OLFML1: variants seen among roughly 807,000 people sequenced by gnomAD.
OLFML1 encodes the protein olfactomedin like 1, also known as olfactomedin-like protein 1.
Under a neutral mutation model 37.3 loss-of-function variants are expected in OLFML1, and 33 were observed. The ratio of observed to expected loss-of-function variants is 0.88; its 90% CI spans 0.67 to 1.18. OLFML1 has a LOEUF of 1.18. Among genes scored for constraint, OLFML1 ranks in the 50% most tolerant of loss-of-function variants. OLFML1 has a pLI of 0.00. For missense variants in OLFML1, 545 were observed against 483.7 expected, an observed-to-expected ratio of 1.13 and a Z score of -1.19; for synonymous variants, 186 against 181.3, an observed-to-expected ratio of 1.03 and a Z score of -0.21.
At chr11:7,487,753 C>T (rs1315575812) in intron 1 of OLFML1, among the ~76,000 whole-genome samples, 2 of 151,828 alleles carry the variant, frequency 1.3e-5, no homozygotes, top group Non-Finnish European at 2.9e-5. Context: ...AAGAGTCTAA[C>T]AGAATAAATA....
chr11:7,509,990 C>T lies in OLFML1; in HGVS notation c.1011C>T (p.Gly337=). The stretch of plus-strand genomic sequence containing the variant: ...TGGTCTACAGTACTGGGGGCCAGGG[C>T]CCTCATCGCATCACCTGCATCTATG... ...LYVVYSTGGQ[G]PHRITCIYDP... is the part of the protein sequence containing the mutation. The change falls in exon 3 of 3, where the codon GGC becomes GGT. Residue 337 remains glycine (G), a synonymous_variant. Transcript: ENST00000329293. 2.5e-6 allele frequency: 4 copies of T among 1,614,232 alleles called. No homozygotes were observed. The highest frequency in any genetic ancestry group is 3.4e-6 in the Non-Finnish European group (4 of 1,180,054).
chr11:7,489,890 T>C (rs759809819), intron 2 of OLFML1, among the ~76,000 whole-genome samples: 6 of 151,962 alleles, frequency 3.9e-5, no homozygotes, highest in African/African-American at 1.2e-4. Context: ...TTTCAGACCA[T>C]TTATAATTTT....
At chr11:7,496,798 A>G (rs1564920839) in intron 2 of OLFML1, among the ~76,000 whole-genome samples, 1 of 152,224 alleles carries the variant, frequency 6.6e-6, no homozygotes, top group East Asian at 1.9e-4. Flanking sequence ...AATGGTTACA[A>G]TGTTGTTGCA....
chr11:7,500,570 C>T (rs964215657), intron 2 of OLFML1, among the ~76,000 whole-genome samples: 1 of 152,148 alleles, frequency 6.6e-6, no homozygotes. Flanking sequence ...TTATACAAGC[C>T]TTAATGTTTC....
rs761545254 is a variant in OLFML1 at position 7,486,054 on chromosome 11, C to A, written c.129+50C>A. The A allele has an allele frequency of 2.7e-5, 42 of 1,568,706 alleles. 1 individual carries two copies. In the South Asian group the frequency reaches 4.6e-4, roughly 17 times the overall value. ...ATAAGTAACAGGCTTCCCAGAAGTACCTTATTTTTACCCATGCTTCTCTAT... is the reference window on the plus strand; with the variant it reads ...ATAAGTAACAGGCTTCCCAGAAGTAACTTATTTTTACCCATGCTTCTCTAT... On this transcript the variant is annotated intron_variant, in intron 1 of 2. Coordinates refer to ENST00000329293, the MANE Select transcript of OLFML1 (RefSeq NM_198474.4).
Position 7,488,110 on chromosome 11 carries a change from T to G in OLFML1, c.130-17T>G. On this transcript the variant is annotated splice_polypyrimidine_tract_variant and intron_variant, in intron 1 of 2. Coordinates refer to ENST00000329293, the MANE Select transcript of OLFML1 (RefSeq NM_198474.4). ...AAATAACAAGCAATAATTTGCAAAT[T>G]TATTTTCTGACTGAAGCAAGGGCTG... The G allele has an allele frequency of 6.3e-7, 1 of 1,583,040 alleles. No homozygotes were observed. The highest frequency in any genetic ancestry group is 8.6e-7 in the Non-Finnish European group (1 of 1,161,754).
In OLFML1 at chr11:7,510,264, C is replaced by T; in HGVS notation, c.*76C>T. 1 of 1,144,610 alleles carries T rather than the reference C, an allele frequency of 8.7e-7. No homozygotes were observed. Among genetic ancestry groups the T allele is most frequent in the Non-Finnish European group, 1.2e-6 (1 of 815,568 alleles). The allele number at this position is 1,144,610 out of a possible 1,614,324, so 70.9% of individuals were successfully genotyped here. ...GGACAGTGAGGCTATAGCCCCTTCACAATATAGTATCCCTCTAATCACACA... is the reference window on the plus strand; with the variant it reads ...GGACAGTGAGGCTATAGCCCCTTCATAATATAGTATCCCTCTAATCACACA... On this transcript the variant is annotated 3_prime_UTR_variant, in exon 3 of 3. Coordinates refer to ENST00000329293, the MANE Select transcript of OLFML1 (RefSeq NM_198474.4).
Position 7,510,683 on chromosome 11 carries a change from T to A in OLFML1, c.*495T>A, listed in dbSNP as rs1848849869. The A allele has an allele frequency of 6.5e-6, 1 of 153,146 alleles. No individual in the cohort carries two copies. Among genetic ancestry groups the A allele is most frequent in the Non-Finnish European group, 1.5e-5 (1 of 68,722 alleles). The allele number at this position is 153,146 out of a possible 1,614,324, so 9.5% of individuals were successfully genotyped here. A position where few individuals can be genotyped will look rare whatever the true frequency, so the allele number is the denominator to read the frequency against. ...AATATTTCTTTCTTTTCTTTTCTTT[T>A]TTTTGAGACAAGGTCTCACTATGTT... is the stretch of plus-strand genomic sequence containing the variant. On this transcript the variant is annotated 3_prime_UTR_variant, in exon 3 of 3. Coordinates refer to ENST00000329293, the MANE Select transcript of OLFML1 (RefSeq NM_198474.4).
intron 2 of OLFML1, among the ~76,000 whole-genome samples, chr11:7,501,527 C>T (rs1464957605): frequency 6.6e-6 from 1 of 152,166 alleles, no homozygotes; most frequent in Non-Finnish European, 1.5e-5. Context: ...GCTCTGGCCA[C>T]AGTGTGAGAC....
chr11:7,496,648 TACC>T (rs1232393682), intron 2 of OLFML1, among the ~76,000 whole-genome samples: 4 of 152,044 alleles, frequency 2.6e-5, no homozygotes, highest in Non-Finnish European at 5.9e-5. Context: ...CAAATGGCAG[TACC>T]ACAGCTAGAA....
rs774343602 is a variant in OLFML1 at position 7,510,317 on chromosome 11, C to G, written c.*129C>G. ...GGAAGAGTGTGTAGAAGTGGAAATA[C>G]GTATGCCTCCTTTCCCAAATGTCAC... is the stretch of plus-strand genomic sequence containing the variant. On this transcript the variant is annotated 3_prime_UTR_variant, in exon 3 of 3. Coordinates refer to ENST00000329293, the MANE Select transcript of OLFML1 (RefSeq NM_198474.4). 1 of 720,818 alleles carries G rather than the reference C, an allele frequency of 1.4e-6. No individual in the cohort carries two copies. The highest frequency in any genetic ancestry group is 1.8e-5 in the African/African-American group (1 of 56,080). The allele number at this position is 720,818 out of a possible 1,614,324, so 44.7% of individuals were successfully genotyped here. A position where few individuals can be genotyped will look rare whatever the true frequency, so the allele number is the denominator to read the frequency against.
At chr11:7,502,410 A>G (rs1848733597) in intron 2 of OLFML1, among the ~76,000 whole-genome samples, 1 of 152,020 alleles carries the variant, frequency 6.6e-6, no homozygotes, top group Non-Finnish European at 1.5e-5. Context: ...CAAACAGATC[A>G]CTCATACCGC....
At chr11:7,490,960 A>C (rs1029156116) in intron 2 of OLFML1, among the ~76,000 whole-genome samples, 3 of 152,128 alleles carry the variant, frequency 2.0e-5, no homozygotes, top group Non-Finnish European at 4.4e-5. Context: ...AACAACAAAA[A>C]AATCCATTCA....
intron 2 of OLFML1, among the ~76,000 whole-genome samples, chr11:7,489,611 C>A (rs1327340227): frequency 6.6e-6 from 1 of 151,982 alleles, no homozygotes; most frequent in Admixed American, 6.6e-5. Context: ...AGAGAGGAGA[C>A]CAGTCAGGGA....
chr11:7,505,723 CAGG>C (rs905039409), intron 2 of OLFML1, among the ~76,000 whole-genome samples: 2 of 152,118 alleles, frequency 1.3e-5, no homozygotes, highest in Non-Finnish European at 2.9e-5. Flanking sequence ...ACCAGCTACT[CAGG>C]AGGAGAAGGT....
Position 7,509,971 on chromosome 11 carries a change from A to G in OLFML1, c.992A>G (p.Tyr331Cys). 1.2e-6 allele frequency: 2 copies of G among 1,614,198 alleles called. No individual in the cohort carries two copies. The highest frequency in any genetic ancestry group is 8.5e-7 in the Non-Finnish European group (1 of 1,180,006). ...TTGTGTGGGGTTCTCTATGTGGTCTACAGTACTGGGGGCCAGGGCCCTCAT... is the reference window on the plus strand; with the variant it reads ...TTGTGTGGGGTTCTCTATGTGGTCTGCAGTACTGGGGGCCAGGGCCCTCAT... ...FLLCGVLYVV[Y>C]STGGQGPHRI... Residue 331 changes from tyrosine to cysteine, a missense_variant, in exon 3 of 3, where the codon TAC becomes TGC. By Grantham distance (194) the Tyr-to-Cys change is radical. Transcript: ENST00000329293.
intron 2 of OLFML1, among the ~76,000 whole-genome samples, chr11:7,495,602 C>G (rs576683169): frequency 2.6e-5 from 4 of 152,218 alleles, no homozygotes; most frequent in African/African-American, 9.6e-5. Context: ...ACCTGCTATT[C>G]TGAAAACATA....
At chr11:7,504,280 A>G (rs1848755955) in intron 2 of OLFML1, among the ~76,000 whole-genome samples, 1 of 152,182 alleles carries the variant, frequency 6.6e-6, no homozygotes, top group African/African-American at 2.4e-5. Context: ...GAAATAGCAG[A>G]AGTCAGTGTG....
chr11:7,505,079 C>T (rs1233982752), intron 2 of OLFML1, among the ~76,000 whole-genome samples: 2 of 151,222 alleles, frequency 1.3e-5, no homozygotes. Context: ...AGGTACACGC[C>T]CCCACACCTA....
Sources: gnomAD v4.1 joint callset for allele counts (sites outside exome capture counted in the v4.1 genomes callset) on GRCh38, gnomAD v4.1.1 for gene constraint, MANE v1.5 for transcripts, NCBI Gene and HGNC (gene_info 2026-07-23, HGNC 2026-07-21) for gene names.